The following FAM241A variants were observed in gnomAD, a reference collection of about 807,000 sequenced individuals.
The protein encoded by FAM241A is uncharacterized protein FAM241A.
FAM241A carries 7 observed loss-of-function variants against 12.2 expected under a neutral mutation model. The observed-to-expected ratio is 0.58, with a 90% CI of 0.33 to 1.08. FAM241A has a LOEUF of 1.08. Among genes scored for constraint, FAM241A ranks in the 50% least tolerant of loss-of-function variants. FAM241A has a pLI of 0.04. For synonymous variants in FAM241A, 74 were observed against 68.2 expected, an observed-to-expected ratio of 1.08 and a Z score of -0.42; for missense variants, 161 against 169.7, an observed-to-expected ratio of 0.95 and a Z score of 0.29.
intron 1 of FAM241A, among the ~76,000 whole-genome samples, chr4:112,146,916 C>G (rs776431849): frequency 1.3e-5 from 2 of 152,172 alleles, no homozygotes; most frequent in Non-Finnish European, 2.9e-5. Flanking sequence ...GGATTCCCTT[C>G]CTAGTGGTTT....
chr4:112,148,949 T>G (rs1723192868), intron 1 of FAM241A, among the ~76,000 whole-genome samples: 1 of 152,222 alleles, frequency 6.6e-6, no homozygotes, highest in South Asian at 2.1e-4. Flanking sequence ...GGAAGTCCCA[T>G]TATCCTTAGA....
chr4:112,153,773 A>T (rs1355682230), intron 1 of FAM241A, among the ~76,000 whole-genome samples: 1 of 152,240 alleles, frequency 6.6e-6, no homozygotes. Flanking sequence ...ACTGCAGCTT[A>T]TCAGAGTTCT....
chr4:112,186,516 T>C (rs544141726), intron 1 of FAM241A, among the ~76,000 whole-genome samples, 177 bp from the exon 2 acceptor site: 6 of 152,338 alleles, frequency 3.9e-5, no homozygotes, highest in East Asian at 1.9e-4. Flanking sequence ...ACTTAAGCAG[T>C]CATTTTTGTG....
intron 1 of FAM241A, among the ~76,000 whole-genome samples, chr4:112,177,403 G>A (rs944239867): frequency 1.4e-4 from 22 of 152,214 alleles, no homozygotes; most frequent in African/African-American, 5.3e-4. Context: ...TAACTGGAGG[G>A]TGTGTACAGT....
intron 1 of FAM241A, among the ~76,000 whole-genome samples, chr4:112,156,598 A>G (rs942710964): frequency 1.9e-4 from 29 of 152,218 alleles, no homozygotes; most frequent in African/African-American, 7.0e-4. Context: ...CTTCTCCAAA[A>G]ACACACTTGC....
intron 1 of FAM241A, among the ~76,000 whole-genome samples, chr4:112,182,651 G>A (rs763096952): frequency 1.3e-5 from 2 of 151,992 alleles, no homozygotes; most frequent in East Asian, 1.9e-4. Context: ...CCTACCAATC[G>A]TCAAAGAGCA....
intron 1 of FAM241A, among the ~76,000 whole-genome samples, chr4:112,172,951 G>C (rs1271820840): frequency 1.3e-5 from 2 of 152,104 alleles, no homozygotes; most frequent in African/African-American, 4.8e-5. Context: ...GCAGTGGTGC[G>C]ATCTTGGTTC....
chr4:112,161,850 CA>C (rs1723477545), intron 1 of FAM241A, among the ~76,000 whole-genome samples: 1 of 152,000 alleles, frequency 6.6e-6, no homozygotes, highest in Admixed American at 6.6e-5. Flanking sequence ...GGCAGAGACA[CA>C]ACAAAAAAAG....
At chr4:112,176,216 T>A (rs939364065) in intron 1 of FAM241A, among the ~76,000 whole-genome samples, 3 of 152,158 alleles carry the variant, frequency 2.0e-5, no homozygotes, top group Non-Finnish European at 1.5e-5. Flanking sequence ...AACTTAATTA[T>A]CATGAGAAAG....
rs568906961 is a variant in FAM241A at position 112,162,302 on chromosome 4, C to G, written c.153+16569C>G. ...CCTATTCAACATACTGTTGGAAGTT[C>G]TGGCCAGGGCAGTCAGGCAGGAGAA... On this transcript the variant is annotated intron_variant, in intron 1 of 1. Coordinates refer to ENST00000309733, the MANE Select transcript of FAM241A (RefSeq NM_152400.3). Among the ~76,000 whole-genome samples, 3 of 152,278 alleles carry G rather than the reference C, an allele frequency of 2.0e-5. No homozygotes were observed. The East Asian group carries it at 5.8e-4, about 29-fold the overall frequency.
At chr4:112,155,602 T>A (rs1365113196) in intron 1 of FAM241A, among the ~76,000 whole-genome samples, 1 of 151,918 alleles carries the variant, frequency 6.6e-6, no homozygotes, top group African/African-American at 2.4e-5. Flanking sequence ...TTAATTTATA[T>A]CATTTTTTAA....
chr4:112,184,841 A>G (rs1724008490), intron 1 of FAM241A, among the ~76,000 whole-genome samples: 1 of 152,210 alleles, frequency 6.6e-6, no homozygotes, highest in South Asian at 2.1e-4. Flanking sequence ...TTTAATGAAA[A>G]AAATATTTTT....
chr4:112,157,883 A>G (rs573356252), intron 1 of FAM241A, among the ~76,000 whole-genome samples: 1 of 152,260 alleles, frequency 6.6e-6, no homozygotes, highest in African/African-American at 2.4e-5. Context: ...ATTGGTTCAG[A>G]GACAACTTTG....
intron 1 of FAM241A, among the ~76,000 whole-genome samples, chr4:112,152,100 G>A (rs1205587437): frequency 2.0e-5 from 3 of 152,170 alleles, no homozygotes; most frequent in African/African-American, 7.2e-5. Flanking sequence ...AGTCACTAGA[G>A]TAACTCAGGG....
In FAM241A at chr4:112,193,695, C is replaced by G. The variant is rs1392852482; in HGVS notation, c.*6757C>G. 1 of 152,210 alleles carries G rather than the reference C, an allele frequency of 6.6e-6. No homozygotes were observed. The highest frequency in any genetic ancestry group is 1.5e-5 in the Non-Finnish European group (1 of 68,076). The allele number at this position is 152,210 out of a possible 1,614,324, so 9.4% of individuals were successfully genotyped here. ...TTATTTCTGAGGGCTCTTTTGTGTT[C>G]CATTGATCTATATCTCTGTTTTGGT... On this transcript the variant is annotated 3_prime_UTR_variant, in exon 2 of 2. Coordinates refer to ENST00000309733, the MANE Select transcript of FAM241A (RefSeq NM_152400.3).
At chr4:112,147,519 A>T (rs1171628333) in intron 1 of FAM241A, among the ~76,000 whole-genome samples, 2 of 152,262 alleles carry the variant, frequency 1.3e-5, no homozygotes, top group African/African-American at 4.8e-5. Context: ...TGGTAATGTT[A>T]TCACAAAGCC....
At chr4:112,168,992 A>G (rs1056417674) in intron 1 of FAM241A, among the ~76,000 whole-genome samples, 5 of 152,212 alleles carry the variant, frequency 3.3e-5, no homozygotes, top group African/African-American at 9.6e-5. Flanking sequence ...TCATGCCTAC[A>G]TGTTTAACTC....
chr4:112,178,677 G>T (rs1432725216), intron 1 of FAM241A, among the ~76,000 whole-genome samples: 13 of 152,122 alleles, frequency 8.5e-5, no homozygotes, highest in Admixed American at 8.5e-4. Context: ...CACAGCAAAA[G>T]AAACTATCAA....
chr4:112,158,247 A>G (rs567708431), intron 1 of FAM241A, among the ~76,000 whole-genome samples: 46 of 152,106 alleles, frequency 3.0e-4, no homozygotes, highest in Non-Finnish European at 5.7e-4. Context: ...TGGGCGCTCT[A>G]TATTTGGCTA....
Sources: allele counts gnomAD v4.1 joint callset (sites outside exome capture counted in the v4.1 genomes callset), GRCh38; gene constraint gnomAD v4.1.1; transcripts MANE v1.5; gene names NCBI Gene and HGNC (gene_info 2026-07-23, HGNC 2026-07-21).